The following MVB12B variants were observed in gnomAD, a reference collection of about 807,000 sequenced individuals.
MVB12B encodes ESCRT-I complex subunit MVB12B.
A neutral mutation model predicts 41.6 loss-of-function variants in MVB12B; 16 were observed. That is an observed-to-expected ratio of 0.38 (90% CI 0.26 to 0.58). The LOEUF (loss-of-function observed/expected upper bound fraction) is 0.58. Among genes scored for constraint, MVB12B ranks in the 20% least tolerant of loss-of-function variants. The pLI, the probability that MVB12B is intolerant of heterozygous loss-of-function variation, is 0.62. For missense variants in MVB12B, 274 were observed against 380.2 expected (o/e 0.72, Z 2.32); for synonymous variants, 133 against 139.7 (o/e 0.95, Z 0.34).
intron 2 of MVB12B, among the ~76,000 whole-genome samples, chr9:126,351,483 CTTTTTT>C (rs34141510): frequency 3.5e-5 from 3 of 86,298 alleles, no homozygotes; most frequent in African/African-American, 1.4e-4. Flanking sequence ...GTCTTTCACT[CTTTTTT>C]TTTTTTTTTT....
chr9:126,416,854 G>T (rs951487643), intron 6 of MVB12B, among the ~76,000 whole-genome samples: 3 of 152,192 alleles, frequency 2.0e-5, no homozygotes, highest in Non-Finnish European at 4.4e-5. Flanking sequence ...TGGGGAACTG[G>T]AATCTCATCT....
chr9:126,434,887 T>C (rs570839454), intron 7 of MVB12B, among the ~76,000 whole-genome samples: 1 of 152,184 alleles, frequency 6.6e-6, no homozygotes, highest in African/African-American at 2.4e-5. Flanking sequence ...GAGGGCAAGA[T>C]GATGTCTCCT....
At position 126,395,080 on chromosome 9, in the gene MVB12B, C is replaced by G. The variant is rs4837075; in HGVS notation, c.540-495C>G. On this transcript the variant is annotated intron_variant, in intron 5 of 9. Transcript: ENST00000361171. This position sits in a 1 kb window ranked among gnomAD's most constrained non-coding sequence, Gnocchi z 4.9. ...AGTTTTGTAGTTTGAAGATGACTCC[C>G]AAACTGACCCTGAGAATGAGTCCAA... Among the ~76,000 whole-genome samples, 3,188 of 152,150 alleles carry G rather than the reference C, an allele frequency of 0.021. 82 individuals are homozygous for G. Among genetic ancestry groups the G allele is most frequent in the East Asian group, 0.068 (353 of 5,168 alleles).
chr9:126,496,355 A>G (rs1322037311), intron 9 of MVB12B, among the ~76,000 whole-genome samples: 1 of 126,862 alleles, frequency 7.9e-6, no homozygotes, highest in African/African-American at 3.1e-5. Context: ...CCATTCACTC[A>G]TGCACCTGCC....
intron 6 of MVB12B, among the ~76,000 whole-genome samples, chr9:126,411,708 C>T (rs1375040225): frequency 1.3e-5 from 2 of 152,022 alleles, no homozygotes; most frequent in East Asian, 1.9e-4. Flanking sequence ...GTGGTTTCTC[C>T]CTGAGGTTGG....
At chr9:126,410,948 C>T (rs571630412) in intron 6 of MVB12B, among the ~76,000 whole-genome samples, 4 of 148,246 alleles carry the variant, frequency 2.7e-5, no homozygotes, top group South Asian at 2.1e-4. Flanking sequence ...AGTGCAATGG[C>T]GTGATCTCTG....
In MVB12B at chr9:126,505,379, C is replaced by T. The variant is rs573372079; in HGVS notation, c.*2116C>T. 1 of 152,354 alleles carries T rather than the reference C, an allele frequency of 6.6e-6. No individual in the cohort carries two copies. The highest frequency in any genetic ancestry group is 2.1e-4 in the South Asian group (1 of 4,832). The allele number at this position is 152,354 out of a possible 1,614,324, so 9.4% of individuals were successfully genotyped here. ...GCCCCTGTCGAGCTGGGGTCCCAGC[C>T]AGGTGCCCCCGCATGCCCTCCTGCA... On this transcript the variant is annotated 3_prime_UTR_variant, in exon 10 of 10. Coordinates refer to ENST00000361171, the MANE Select transcript of MVB12B (RefSeq NM_033446.3).
At position 126,459,401 on chromosome 9, in the gene MVB12B, G is replaced by A. The variant is rs988922204; in HGVS notation, c.758-21968G>A. On this transcript the variant is annotated intron_variant, in intron 7 of 9. Transcript: ENST00000361171. The surrounding 1 kb of genome is among the most constrained non-coding windows in gnomAD (Gnocchi z 4.3). ...CAAAGTCCAAAGCCGTCTCCAAGAC[G>A]CAGCTGCATCACTGCCTGCCCCTAG... 2.6e-5 allele frequency among the ~76,000 whole-genome samples: 4 copies of A among 152,218 alleles called. No individual in the cohort carries two copies. Among genetic ancestry groups the A allele is most frequent in the Non-Finnish European group, 4.4e-5 (3 of 68,030 alleles).
intron 2 of MVB12B, among the ~76,000 whole-genome samples, chr9:126,342,576 G>C (rs1035115151): frequency 6.6e-6 from 1 of 152,220 alleles, no homozygotes; most frequent in African/African-American, 2.4e-5. Context: ...CAAGGGGCTT[G>C]AGCTCATCCG....
At chr9:126,428,170 G>A (rs1832233675) in intron 7 of MVB12B, among the ~76,000 whole-genome samples, 1 of 152,052 alleles carries the variant, frequency 6.6e-6, no homozygotes, top group Admixed American at 6.6e-5. Flanking sequence ...CAGAACCGTG[G>A]GTGAGCCATG....
At chr9:126,450,597 G>T (rs1215200413) in intron 7 of MVB12B, among the ~76,000 whole-genome samples, 1 of 152,198 alleles carries the variant, frequency 6.6e-6, no homozygotes, top group Non-Finnish European at 1.5e-5. Flanking sequence ...CAGAACAGAT[G>T]TTGGTCATTT....
chr9:126,454,945 TGTG>T (rs1459173284), intron 7 of MVB12B, among the ~76,000 whole-genome samples: 1 of 152,144 alleles, frequency 6.6e-6, no homozygotes, highest in Non-Finnish European at 1.5e-5. Context: ...CCTTCCCTCC[TGTG>T]AGCCTGTGGG....
At chr9:126,380,474 T>G (rs1361388877) in intron 2 of MVB12B, among the ~76,000 whole-genome samples, 1 of 152,188 alleles carries the variant, frequency 6.6e-6, no homozygotes, top group Non-Finnish European at 1.5e-5. Context: ...CGAGTGAGTC[T>G]TCTTTTGTTT....
At position 126,478,194 on chromosome 9, in the gene MVB12B, A is replaced by T. The variant is rs1833455098; in HGVS notation, c.758-3175A>T. On this transcript the variant is annotated intron_variant, in intron 7 of 9. Transcript: ENST00000361171. The surrounding 1 kb of genome is among the most constrained non-coding windows in gnomAD (Gnocchi z 4.2). The stretch of plus-strand genomic sequence containing the variant: ...TTAAAACATTTCCCTCCCTGCTTAG[A>T]TCTTCCTAGTTCCTAGAAGTGATTC... 6.6e-6 allele frequency among the ~76,000 whole-genome samples: 1 copy of T among 152,238 alleles called. No individual in the cohort carries two copies. The highest frequency in any genetic ancestry group is 1.9e-4 in the East Asian group (1 of 5,208).
chr9:126,460,413 G>A (rs978111156), intron 7 of MVB12B, among the ~76,000 whole-genome samples: 2 of 152,130 alleles, frequency 1.3e-5, no homozygotes, highest in African/African-American at 4.8e-5. Flanking sequence ...GAATTCTAAC[G>A]TCTCTGCTTC....
intron 7 of MVB12B, among the ~76,000 whole-genome samples, chr9:126,433,083 T>G (rs1408556792): frequency 6.6e-6 from 1 of 151,690 alleles, no homozygotes; most frequent in East Asian, 1.9e-4. Context: ...GCCCAAGGCC[T>G]CCTTACTTAA....
intron 7 of MVB12B, among the ~76,000 whole-genome samples, chr9:126,424,307 A>G (rs1350415871): frequency 2.0e-5 from 3 of 152,188 alleles, no homozygotes; most frequent in Admixed American, 6.5e-5. Context: ...GGCTCCCATC[A>G]TGCCTGCTAA....
At chr9:126,490,105 G>T (rs1406176033) in intron 9 of MVB12B, among the ~76,000 whole-genome samples, 1 of 152,198 alleles carries the variant, frequency 6.6e-6, no homozygotes, top group Non-Finnish European at 1.5e-5. Context: ...GAGGAGATGG[G>T]TGTATAAATA....
chr9:126,379,218 T>A (rs1317361602), intron 2 of MVB12B, among the ~76,000 whole-genome samples: 1 of 152,258 alleles, frequency 6.6e-6, no homozygotes, highest in East Asian at 1.9e-4. Context: ...TTAGTGATTC[T>A]GAAATTGGGA....
Sources: allele counts gnomAD v4.1 joint callset (sites outside exome capture counted in the v4.1 genomes callset), GRCh38; gene constraint gnomAD v4.1.1; non-coding constraint Gnocchi (gnomAD v3.1); transcripts MANE v1.5; gene names NCBI Gene and HGNC (gene_info 2026-07-23, HGNC 2026-07-21).